Variants in KMT2A observed in about 807,000 individuals in gnomAD.
KMT2A encodes the protein lysine methyltransferase 2A, also known as histone-lysine N-methyltransferase 2A.
Under a neutral mutation model 345.3 loss-of-function variants are expected in KMT2A, and 16 were observed. The observed-to-expected ratio is 0.05, with a 90% CI of 0.03 to 0.07. The LOEUF (loss-of-function observed/expected upper bound fraction) is 0.07. KMT2A is among the 10% of genes least tolerant of loss of function. KMT2A has a pLI of 1.00. For missense variants in KMT2A, 3,272 were observed against 4,841.6 expected (o/e 0.68, Z 9.62); for synonymous variants, 1,599 against 1,778.6 (o/e 0.90, Z 2.54).
At position 118,503,588 on chromosome 11, in the gene KMT2A, G is replaced by A. The variant is rs781986487; in HGVS notation, c.7696G>A (p.Glu2566Lys). 1.4e-5 allele frequency: 22 copies of A among 1,614,148 alleles called. No homozygotes were observed. The South Asian group carries it at 2.4e-4, about 18-fold the overall frequency. Residue 2566 changes from glutamate to lysine, a missense_variant, in exon 27 of 36, where the codon GAA becomes AAA. Coordinates refer to ENST00000534358, the MANE Select transcript of KMT2A (RefSeq NM_001197104.2). This position sits in a 1 kb window ranked among gnomAD's most constrained non-coding sequence, Gnocchi z 5.3. ...TCCCACAGAACCAATTTCAGCCTCTGAAAATCCAGGAGATGGTCCAGTGGC... is the reference window on the plus strand; with the variant it reads ...TCCCACAGAACCAATTTCAGCCTCTAAAAATCCAGGAGATGGTCCAGTGGC... ...TSPTEPISAS[E>K]NPGDGPVAQP...
Position 118,436,652 on chromosome 11 carries a change from G to C in KMT2A, c.140G>C (p.Gly47Ala). ...ALLLPPGPPVGGGGPGAPPSP... is the reference protein window; with the variant it reads ...ALLLPPGPPVAGGGPGAPPSP... Reference sequence around the variant, plus strand: ...CTGCTTCCCCCCGGGCCCCCGGTCGGCGGTGGCGGCCCCGGGGCGCCCCCC... The same window carrying C: ...CTGCTTCCCCCCGGGCCCCCGGTCGCCGGTGGCGGCCCCGGGGCGCCCCCC... The change falls in exon 1 of 36, where the codon GGC (glycine) becomes GCC (alanine). Residue 47 changes from glycine (G) to alanine (A), a missense_variant. By Grantham distance (60) the Gly-to-Ala change is moderately conservative. Coordinates refer to ENST00000534358, the MANE Select transcript of KMT2A (RefSeq NM_001197104.2). This position sits in a 1 kb window ranked among gnomAD's most constrained non-coding sequence, Gnocchi z 6.9. The C allele has an allele frequency of 3.4e-6, 4 of 1,176,574 alleles. No individual in the cohort carries two copies. Among genetic ancestry groups the C allele is most frequent in the Non-Finnish European group, 4.2e-6 (4 of 949,612 alleles). 72.9% of individuals were successfully genotyped at this position (1,176,574 alleles called of 1,614,324 possible).
intron 1 of KMT2A, among the ~76,000 whole-genome samples, chr11:118,465,473 C>T (rs934130941): frequency 9.9e-5 from 15 of 151,974 alleles, no homozygotes; most frequent in African/African-American, 3.6e-4. Context: ...TTTGAAGTCC[C>T]ATCATATGTA....
Position 118,491,599 on chromosome 11 carries a change from A to G in KMT2A, c.4820-145A>G, listed in dbSNP as rs1555042475. 2.9e-6 allele frequency: 2 copies of G among 679,060 alleles called. No homozygotes were observed. 42.1% of individuals were successfully genotyped at this position (679,060 alleles called of 1,614,324 possible). ...TTAATAATGCCACTTTTTGAGATCA[A>G]TATGTGTCATATCCATGAGGACATT... On this transcript the variant is annotated intron_variant, in intron 14 of 35. Coordinates refer to ENST00000534358, the MANE Select transcript of KMT2A (RefSeq NM_001197104.2). This position sits in a 1 kb window ranked among gnomAD's most constrained non-coding sequence, Gnocchi z 4.2.
Position 118,475,462 on chromosome 11 carries a change from G to A in KMT2A, c.3156+1147G>A, listed in dbSNP as rs183750033. ...TCACGGGCTGGGTACGGTGGCTTAC[G>A]CCTGTAATCCCAGCACTTTGGGAGG... On this transcript the variant is annotated intron_variant, in intron 3 of 35. Transcript: ENST00000534358. Among the ~76,000 whole-genome samples, 456 of 152,262 alleles carry A rather than the reference G, an allele frequency of 3.0e-3. 2 individuals carry two copies. The highest frequency in any genetic ancestry group is 4.1e-3 in the Non-Finnish European group (282 of 68,008).
chr11:118,460,838 T>C (rs1555032450), intron 1 of KMT2A, among the ~76,000 whole-genome samples: 1 of 152,190 alleles, frequency 6.6e-6, no homozygotes, highest in Non-Finnish European at 1.5e-5. Flanking sequence ...AGCTATTCTT[T>C]AGTGACATTT....
chr11:118,452,181 A>G (rs1469704271), intron 1 of KMT2A, among the ~76,000 whole-genome samples: 2 of 152,236 alleles, frequency 1.3e-5, no homozygotes, highest in Non-Finnish European at 2.9e-5. Context: ...AGCTGAGACC[A>G]TAGTGCACAC....
chr11:118,436,895 G>A lies in KMT2A; in HGVS notation c.383G>A (p.Arg128Gln), dbSNP rs1555138801. The A allele has an allele frequency of 1.9e-6, 3 of 1,584,318 alleles. No homozygotes were observed. The South Asian group carries it at 3.4e-5, about 18-fold the overall frequency. ...GCCGCCATCGGCACCAACCTGCGCC[G>A]GTTCCGGGCCGTGTTTGGGGAGAGC... ...VSAAIGTNLRRFRAVFGESGG... is the reference protein window; with the variant it reads ...VSAAIGTNLRQFRAVFGESGG... Residue 128 changes from arginine to glutamine, a missense_variant, in exon 1 of 36, where the codon CGG becomes CAG. Physicochemically the swap from Arg to Gln is conservative, Grantham distance 43 (BLOSUM62 1). Transcript: ENST00000534358. The surrounding 1 kb of genome is among the most constrained non-coding windows in gnomAD (Gnocchi z 6.9).
intron 1 of KMT2A, among the ~76,000 whole-genome samples, chr11:118,457,896 T>A (rs553431704): frequency 2.0e-5 from 3 of 152,276 alleles, no homozygotes; most frequent in African/African-American, 7.2e-5. Context: ...AATTTACTCA[T>A]CTGTTTTTAA....
chr11:118,465,758 T>G (rs1949832579), intron 1 of KMT2A, among the ~76,000 whole-genome samples: 1 of 152,226 alleles, frequency 6.6e-6, no homozygotes, highest in Non-Finnish European at 1.5e-5. Context: ...TTACCTATTT[T>G]ATTTGCTTTT....
intron 30 of KMT2A, among the ~76,000 whole-genome samples, chr11:118,511,202 G>A (rs1461384346): frequency 1.3e-5 from 2 of 152,214 alleles, no homozygotes; most frequent in Non-Finnish European, 2.9e-5. Context: ...GTTTACTAAT[G>A]AGAGTATTGC....
chr11:118,438,554 A>G (rs781957536), intron 1 of KMT2A, among the ~76,000 whole-genome samples: 6 of 151,986 alleles, frequency 3.9e-5, no homozygotes, highest in Non-Finnish European at 7.4e-5. Context: ...ACAGAAAGGG[A>G]AAGATAACAA....
chr11:118,487,215 C>T (rs1950245586), intron 10 of KMT2A, among the ~76,000 whole-genome samples: 1 of 152,124 alleles, frequency 6.6e-6, no homozygotes, highest in Non-Finnish European at 1.5e-5. Context: ...ATATATGCCA[C>T]CCACAGGAAT....
intron 31 of KMT2A, among the ~76,000 whole-genome samples, chr11:118,513,798 A>G (rs868955361): frequency 3.3e-5 from 5 of 151,776 alleles, no homozygotes; most frequent in Non-Finnish European, 7.4e-5. Context: ...TTAGGCAGGC[A>G]TGATGGCTCA....
chr11:118,452,576 T>C (rs1949561011), intron 1 of KMT2A, among the ~76,000 whole-genome samples: 1 of 151,860 alleles, frequency 6.6e-6, no homozygotes, highest in Admixed American at 6.6e-5. Flanking sequence ...AACTTAGATG[T>C]GACTACATGC....
intron 12 of KMT2A, 90 bp downstream of exon 12, chr11:118,489,977 G>A: frequency 1.4e-6 from 2 of 1,431,252 alleles, no homozygotes; most frequent in Non-Finnish European, 2.0e-6. Flanking sequence ...TATGCTTGAG[G>A]ATGTCAGTAT....
Position 118,476,654 on chromosome 11 carries a change from C to T in KMT2A, c.3157-151C>T. ...ATTAGGATACAGTAATAGTTGATTT[C>T]TGTTTTGATATGATTTATCAGCTGG... On this transcript the variant is annotated intron_variant, in intron 3 of 35. Coordinates refer to ENST00000534358, the MANE Select transcript of KMT2A (RefSeq NM_001197104.2). This position sits in a 1 kb window ranked among gnomAD's most constrained non-coding sequence, Gnocchi z 4.1. The T allele has an allele frequency of 1.5e-6, 1 of 662,772 alleles. No individual in the cohort carries two copies. Among genetic ancestry groups the T allele is most frequent in the Non-Finnish European group, 2.5e-6 (1 of 401,658 alleles). 41.1% of individuals were successfully genotyped at this position (662,772 alleles called of 1,614,324 possible).
At chr11:118,455,511 T>TTTGACCATACC (rs1418609385) in intron 1 of KMT2A, among the ~76,000 whole-genome samples, 1 of 152,122 alleles carries the variant, frequency 6.6e-6, no homozygotes, top group Non-Finnish European at 1.5e-5. Context: ...TTGCATTTGC[T>TTTGACCATACC]TTGACCATAC....
At position 118,501,791 on chromosome 11, in the gene KMT2A, A is replaced by G. The variant is rs144608351; in HGVS notation, c.6439A>G (p.Arg2147Gly). 6 of 1,614,092 alleles carry G rather than the reference A, an allele frequency of 3.7e-6. No homozygotes were observed. The highest frequency in any genetic ancestry group is 2.7e-5 in the African/African-American group (2 of 74,940). Reference protein sequence around the residue: ...CYYHVISKVPRIRTPSYSPTQ... With the variant: ...CYYHVISKVPGIRTPSYSPTQ... ...TTATCATGTCATCTCAAAGGTCCCC[A>G]GGATTCGAACACCCAGTTATTCTCC... The change falls in exon 26 of 36, where the codon AGG becomes GGG. Residue 2147 changes from arginine (R) to glycine (G), a missense_variant. By Grantham distance (125) the Arg-to-Gly change is moderately radical. Transcript: ENST00000534358.
In KMT2A at chr11:118,526,773, T is replaced by C. The variant is rs1287722792; in HGVS notation, c.*4601T>C. 8.8e-6 allele frequency: 2 copies of C among 226,090 alleles called. No individual in the cohort carries two copies. The highest frequency in any genetic ancestry group is 1.8e-5 in the Non-Finnish European group (2 of 113,882). 14.0% of individuals were successfully genotyped at this position (226,090 alleles called of 1,614,324 possible). A position where few individuals can be genotyped will look rare whatever the true frequency, so the allele number is the denominator to read the frequency against. Reference sequence around the variant, plus strand: ...AGTTTTTAAACATGTTTATTTTCTATGCACTTTTTTTTATTTAAGTGATAG... The same window carrying C: ...AGTTTTTAAACATGTTTATTTTCTACGCACTTTTTTTTATTTAAGTGATAG... On this transcript the variant is annotated 3_prime_UTR_variant, in exon 36 of 36. Coordinates refer to ENST00000534358, the MANE Select transcript of KMT2A (RefSeq NM_001197104.2).
Sources: gnomAD v4.1 joint callset for allele counts (sites outside exome capture counted in the v4.1 genomes callset) on GRCh38, gnomAD v4.1.1 for gene constraint, Gnocchi (gnomAD v3.1) non-coding constraint, MANE v1.5 for transcripts, NCBI Gene and HGNC (gene_info 2026-07-23, HGNC 2026-07-21) for gene names.